The following DPYSL2 variants were observed in gnomAD, a reference collection of about 807,000 sequenced individuals.
DPYSL2 encodes dihydropyrimidinase-related protein 2.
Under a neutral mutation model 69.9 loss-of-function variants are expected in DPYSL2, and 13 were observed. That is an observed-to-expected ratio of 0.19 (90% CI 0.12 to 0.30). The LOEUF is 0.30. DPYSL2 is among the 10% of genes least tolerant of loss of function. The pLI, the probability that DPYSL2 is intolerant of heterozygous loss-of-function variation, is 1.00. For missense variants in DPYSL2, 587 were observed against 918.9 expected, an observed-to-expected ratio of 0.64 and a Z score of 4.67; for synonymous variants, 326 against 359.1, an observed-to-expected ratio of 0.91 and a Z score of 1.04.
rs187092069 is a variant in DPYSL2 at position 26,617,210 on chromosome 8, G to A, written c.629-6933G>A. Among the ~76,000 whole-genome samples the A allele has an allele frequency of 1.3e-5, 2 of 152,338 alleles. No individual in the cohort carries two copies. Among genetic ancestry groups the A allele is most frequent in the East Asian group, 1.9e-4 (1 of 5,192 alleles). On this transcript the variant is annotated intron_variant, in intron 3 of 13. Coordinates refer to ENST00000521913, the MANE Select transcript of DPYSL2 (RefSeq NM_001197293.3). The surrounding 1 kb of genome is among the most constrained non-coding windows in gnomAD (Gnocchi z 4.7). ...AGATGTTTCCTTTGGGGGAAACGGG[G>A]TGAAGGGTATGAAGGTTCTCTCTGT...
intron 1 of DPYSL2, among the ~76,000 whole-genome samples, chr8:26,520,113 AG>A (rs1464016753): frequency 6.6e-6 from 1 of 152,180 alleles, no homozygotes; most frequent in Non-Finnish European, 1.5e-5. Context: ...AAGATTTATA[AG>A]GGTTTTCCCC....
chr8:26,643,549 A>G lies in DPYSL2; in HGVS notation c.1237A>G (p.Ser413Gly). The G allele has an allele frequency of 6.2e-7, 1 of 1,614,144 alleles. No individual in the cohort carries two copies. The highest frequency in any genetic ancestry group is 8.5e-7 in the Non-Finnish European group (1 of 1,180,024). Residue 413 changes from serine (S) to glycine (G), a missense_variant, in exon 9 of 14, where the codon AGC becomes GGC. Transcript: ENST00000521913. The surrounding 1 kb of genome is among the most constrained non-coding windows in gnomAD (Gnocchi z 6.5). ...TGCCTTTGTCACCTCCCCACCCTTG[A>G]GCCCTGATCCAACCACTCCAGACTT... is the stretch of plus-strand genomic sequence containing the variant. ...AAAFVTSPPL[S>G]PDPTTPDFLN...
At chr8:26,557,226 T>C (rs1031954993) in intron 1 of DPYSL2, among the ~76,000 whole-genome samples, 1 of 151,944 alleles carries the variant, frequency 6.6e-6, no homozygotes, top group Non-Finnish European at 1.5e-5. Flanking sequence ...ACTTCTGCTC[T>C]GTGAAAGACA....
At position 26,516,549 on chromosome 8, in the gene DPYSL2, C is replaced by T. The variant is rs931319461; in HGVS notation, c.354+1870C>T. On this transcript the variant is annotated intron_variant, in intron 1 of 13. Coordinates refer to ENST00000521913, the MANE Select transcript of DPYSL2 (RefSeq NM_001197293.3). The surrounding 1 kb of genome is among the most constrained non-coding windows in gnomAD (Gnocchi z 4.8). Reference sequence around the variant, plus strand: ...TCAAGTTTGAAAGGCATAGTTTTATCGGGTTGAATAACACTTCTTTTTTCT... The same window carrying T: ...TCAAGTTTGAAAGGCATAGTTTTATTGGGTTGAATAACACTTCTTTTTTCT... Among the ~76,000 whole-genome samples the T allele has an allele frequency of 5.3e-5, 8 of 152,118 alleles. No homozygotes were observed. The highest frequency in any genetic ancestry group is 1.3e-4 in the Admixed American group (2 of 15,262).
rs562510047 is a variant in DPYSL2 at position 26,542,039 on chromosome 8, G to T, written c.354+27360G>T. On this transcript the variant is annotated intron_variant, in intron 1 of 13. Coordinates refer to ENST00000521913, the MANE Select transcript of DPYSL2 (RefSeq NM_001197293.3). The stretch of plus-strand genomic sequence containing the variant: ...TAATCCCAACAATCTGGGAGGCCCA[G>T]GTGGGAAGATTGCTTGAGCCCAGGA... Among the ~76,000 whole-genome samples the T allele has an allele frequency of 2.2e-4, 33 of 152,296 alleles. No homozygotes were observed. The South Asian group carries it at 6.6e-3, about 31-fold the overall frequency.
chr8:26,647,171 G>A lies in DPYSL2; in HGVS notation c.1426-459G>A, dbSNP rs1222016735. 2.6e-5 allele frequency among the ~76,000 whole-genome samples: 4 copies of A among 152,030 alleles called. No homozygotes were observed. Among genetic ancestry groups the A allele is most frequent in the South Asian group, 2.1e-4 (1 of 4,816 alleles). The stretch of plus-strand genomic sequence containing the variant: ...CAAAGATAGTACAGAGAGAGGTCCC[G>A]GGTACCCTTCACCCAGTTTCCCTCA... On this transcript the variant is annotated intron_variant, in intron 10 of 13. Transcript: ENST00000521913. The surrounding 1 kb of genome is among the most constrained non-coding windows in gnomAD (Gnocchi z 5.1).
chr8:26,645,084 G>A (rs1472927896), intron 10 of DPYSL2, among the ~76,000 whole-genome samples: 2 of 152,032 alleles, frequency 1.3e-5, no homozygotes, highest in Non-Finnish European at 2.9e-5. Flanking sequence ...TGTGACATGC[G>A]TGAGTGTGTA....
intron 7 of DPYSL2, among the ~76,000 whole-genome samples, chr8:26,629,692 G>C (rs1396049305): frequency 6.6e-6 from 1 of 152,264 alleles, no homozygotes; most frequent in African/African-American, 2.4e-5. Context: ...ACAGCTTGCA[G>C]GCGAGAGCAG....
At chr8:26,600,784 G>A (rs528854761) in intron 3 of DPYSL2, among the ~76,000 whole-genome samples, 1 of 152,316 alleles carries the variant, frequency 6.6e-6, no homozygotes, top group East Asian at 1.9e-4. Flanking sequence ...GTGGCTGGCT[G>A]GAATGGCTAC....
chr8:26,536,546 C>T (rs541987187), intron 1 of DPYSL2, among the ~76,000 whole-genome samples: 1 of 152,168 alleles, frequency 6.6e-6, no homozygotes, highest in South Asian at 2.1e-4. Context: ...TGGCACACAC[C>T]TGTAATCTCA....
chr8:26,522,450 A>G (rs1434940954), intron 1 of DPYSL2, among the ~76,000 whole-genome samples: 1 of 152,172 alleles, frequency 6.6e-6, no homozygotes, highest in Non-Finnish European at 1.5e-5. Flanking sequence ...AAGCTGTACC[A>G]TTTTGCGTTG....
At chr8:26,524,601 C>A (rs1213622187) in intron 1 of DPYSL2, among the ~76,000 whole-genome samples, 1 of 151,748 alleles carries the variant, frequency 6.6e-6, no homozygotes, top group Admixed American at 6.6e-5. Flanking sequence ...AGTTTGAGAC[C>A]AGCCTGGCCA....
chr8:26,535,616 GATAT>G (rs542036370), intron 1 of DPYSL2, among the ~76,000 whole-genome samples: 3 of 147,894 alleles, frequency 2.0e-5, no homozygotes, highest in African/African-American at 7.5e-5. Flanking sequence ...AAAACAGACT[GATAT>G]ATATATATAT....
chr8:26,534,168 G>C (rs928074889), intron 1 of DPYSL2, among the ~76,000 whole-genome samples: 1 of 152,128 alleles, frequency 6.6e-6, no homozygotes, highest in African/African-American at 2.4e-5. Flanking sequence ...CATTTATATG[G>C]ACTATTTCAC....
At chr8:26,520,725 A>G (rs1808371786) in intron 1 of DPYSL2, among the ~76,000 whole-genome samples, 1 of 152,214 alleles carries the variant, frequency 6.6e-6, no homozygotes, top group Non-Finnish European at 1.5e-5. Flanking sequence ...TTAGGCTGTG[A>G]CAACAAATTA....
intron 1 of DPYSL2, among the ~76,000 whole-genome samples, chr8:26,540,454 A>T (rs181959962): frequency 2.2e-4 from 34 of 152,326 alleles, no homozygotes; most frequent in African/African-American, 5.1e-4. Context: ...TAAATAAATA[A>T]TGGCTGAAAA....
intron 4 of DPYSL2, among the ~76,000 whole-genome samples, chr8:26,625,447 G>A (rs765396787): frequency 1.2e-4 from 18 of 152,286 alleles, no homozygotes; most frequent in Admixed American, 1.3e-4. Context: ...GAAGGGCCAG[G>A]ATGTCCAGAG....
intron 3 of DPYSL2, among the ~76,000 whole-genome samples, chr8:26,599,236 A>AT (rs1801937906): frequency 1.3e-5 from 2 of 152,184 alleles, no homozygotes; most frequent in East Asian, 3.8e-4. Flanking sequence ...TGAGAGAGTC[A>AT]GATGATTCAG....
rs1398896629 is a variant in DPYSL2, at chr8:26,605,006, G to A, written c.629-19137G>A. Reference sequence around the variant, plus strand: ...AAATTGTTAGCGTGGTCATCATTTGGTCTGCTTTAGTAGAGAGTATCTTTT... The same window carrying A: ...AAATTGTTAGCGTGGTCATCATTTGATCTGCTTTAGTAGAGAGTATCTTTT... On this transcript the variant is annotated intron_variant, in intron 3 of 13. Transcript: ENST00000521913. This position sits in a 1 kb window ranked among gnomAD's most constrained non-coding sequence, Gnocchi z 4.1. 1.3e-5 allele frequency among the ~76,000 whole-genome samples: 2 copies of A among 152,184 alleles called. No individual in the cohort carries two copies. Among genetic ancestry groups the A allele is most frequent in the East Asian group, 3.9e-4 (2 of 5,162 alleles).
Sources: allele counts gnomAD v4.1 joint callset (sites outside exome capture counted in the v4.1 genomes callset), GRCh38; gene constraint gnomAD v4.1.1; non-coding constraint Gnocchi (gnomAD v3.1); transcripts MANE v1.5; gene names NCBI Gene and HGNC (gene_info 2026-07-23, HGNC 2026-07-21).